Variants in TMEM51 observed in about 807,000 individuals in gnomAD.
TMEM51 encodes the protein chromosome 1 open reading frame 72.
TMEM51 carries 8 observed loss-of-function variants against 13.6 expected under a neutral mutation model. That is an observed-to-expected ratio of 0.59 (90% CI 0.35 to 1.07). TMEM51 has a LOEUF of 1.07. Among genes scored for constraint, TMEM51 ranks in the 50% least tolerant of loss-of-function variants. TMEM51 has a pLI of 0.02. For synonymous variants in TMEM51, 147 were observed against 144.4 expected (o/e 1.02, Z -0.13); for missense variants, 279 against 330.7 (o/e 0.84, Z 1.21).
chr1:15,170,343 T>TG (rs1225280246), intron 1 of TMEM51, among the ~76,000 whole-genome samples: 5 of 67,416 alleles, frequency 7.4e-5, no homozygotes, highest in East Asian at 2.3e-3. Context: ...GGGATACTGC[T>TG]GGGTTTTTTT....
chr1:15,212,054 A>AAG (rs1294634181), intron 2 of TMEM51, among the ~76,000 whole-genome samples: 1 of 152,194 alleles, frequency 6.6e-6, no homozygotes, highest in African/African-American at 2.4e-5. Flanking sequence ...TGCGTGAACC[A>AAG]TAATTTATTA....
chr1:15,164,665 GA>G (rs1642920732), intron 1 of TMEM51, among the ~76,000 whole-genome samples: 1 of 151,872 alleles, frequency 6.6e-6, no homozygotes, highest in Non-Finnish European at 1.5e-5. Context: ...AGAGATTATT[GA>G]AACGATTTTT....
chr1:15,202,902 T>A (rs1320946276), intron 1 of TMEM51, among the ~76,000 whole-genome samples: 1 of 152,212 alleles, frequency 6.6e-6, no homozygotes, highest in Admixed American at 6.5e-5. Flanking sequence ...CCGCTTCTTC[T>A]CTGCCCCTAA....
intron 1 of TMEM51, among the ~76,000 whole-genome samples, chr1:15,202,981 CCTCCATAGG>C (rs1227169621): frequency 6.6e-6 from 1 of 152,164 alleles, no homozygotes; most frequent in Non-Finnish European, 1.5e-5. Context: ...CGCCCACCTG[CCTCCATAGG>C]CCTTTAAAGG....
At chr1:15,178,934 A>G (rs1335031834) in intron 1 of TMEM51, among the ~76,000 whole-genome samples, 1 of 152,198 alleles carries the variant, frequency 6.6e-6, no homozygotes, top group Non-Finnish European at 1.5e-5. Flanking sequence ...TAGCCCTCAT[A>G]TGAACGGCTG....
chr1:15,191,679 T>C (rs549159656), intron 1 of TMEM51: 10 of 292,046 alleles, frequency 3.4e-5, no homozygotes, highest in African/African-American at 8.9e-5. Flanking sequence ...TCAGCCTCCG[T>C]GTTCCTAGAT....
At chr1:15,194,891 G>T (rs533121247) in intron 1 of TMEM51, among the ~76,000 whole-genome samples, 1 of 148,640 alleles carries the variant, frequency 6.7e-6, no homozygotes, top group South Asian at 2.1e-4. Context: ...AATGGAAAGA[G>T]AATTCAAGCC....
At chr1:15,183,618 A>G (rs906042392) in intron 1 of TMEM51, among the ~76,000 whole-genome samples, 3 of 152,224 alleles carry the variant, frequency 2.0e-5, no homozygotes, top group Admixed American at 1.3e-4. Flanking sequence ...ATTCCTTCCA[A>G]TACTATTTTC....
rs570913056 is a variant in TMEM51 at position 15,214,001 on chromosome 1, C to T, written c.-193-894C>T. 1.2e-3 allele frequency among the ~76,000 whole-genome samples: 177 copies of T among 147,718 alleles called. 1 individual carries two copies. In the South Asian group the frequency reaches 0.014, roughly 12 times the overall value. On this transcript the variant is annotated intron_variant, in intron 2 of 3. Transcript: ENST00000376008. ...GGATTACTGGCACGTGCCACAGCAC[C>T]CAGCCTTTTTTTTTTTTTTTTTTGT...
intron 1 of TMEM51, among the ~76,000 whole-genome samples, chr1:15,189,159 C>G (rs1432730348): frequency 6.6e-6 from 1 of 151,556 alleles, no homozygotes; most frequent in South Asian, 2.1e-4. Context: ...CCCACCTCAG[C>G]CTCCCGAGCA....
chr1:15,184,917 AC>A (rs1643725780), intron 1 of TMEM51, among the ~76,000 whole-genome samples: 1 of 151,974 alleles, frequency 6.6e-6, no homozygotes, highest in Non-Finnish European at 1.5e-5. Context: ...ATGCTGTTAT[AC>A]AACCGACATT....
At chr1:15,216,005 C>G (rs1644426127) in intron 3 of TMEM51, among the ~76,000 whole-genome samples, 1 of 151,808 alleles carries the variant, frequency 6.6e-6, no homozygotes, top group African/African-American at 2.4e-5. Flanking sequence ...GCACTCCAGC[C>G]TGGGTGACAG....
chr1:15,176,591 C>G (rs956343085), intron 1 of TMEM51, among the ~76,000 whole-genome samples: 7 of 152,172 alleles, frequency 4.6e-5, no homozygotes, highest in Non-Finnish European at 8.8e-5. Context: ...AGGACCGTTT[C>G]CCTCCTTGGA....
rs1295301694 is a variant in TMEM51, at chr1:15,170,740, T to A, written c.-267+16786T>A. 2.0e-5 allele frequency among the ~76,000 whole-genome samples: 3 copies of A among 152,218 alleles called. No individual in the cohort carries two copies. In the East Asian group the frequency reaches 5.9e-4, roughly 30 times the overall value. Reference sequence around the variant, plus strand: ...CAAACAGAAATGGAGGCAGGTTTTCTTTTTTTGAGACGGAGTCTCCCTCTG... The same window carrying A: ...CAAACAGAAATGGAGGCAGGTTTTCATTTTTTGAGACGGAGTCTCCCTCTG... On this transcript the variant is annotated intron_variant, in intron 1 of 3. Transcript: ENST00000376008.
intron 1 of TMEM51, among the ~76,000 whole-genome samples, chr1:15,163,832 G>C (rs1235165264): frequency 6.9e-6 from 1 of 144,580 alleles, no homozygotes; most frequent in Non-Finnish European, 1.5e-5. Context: ...TTTTTTGGGG[G>C]GGGGGAGGGG....
chr1:15,213,902 C>G (rs568793275), intron 2 of TMEM51, among the ~76,000 whole-genome samples: 4 of 152,010 alleles, frequency 2.6e-5, no homozygotes, highest in Admixed American at 1.3e-4. Flanking sequence ...AGTGCAGTGG[C>G]ACAATCTCGG....
chr1:15,177,050 T>C (rs1643475783), intron 1 of TMEM51, among the ~76,000 whole-genome samples: 1 of 151,938 alleles, frequency 6.6e-6, no homozygotes, highest in Non-Finnish European at 1.5e-5. Flanking sequence ...TCTGGCCAGA[T>C]GGGAGGCAGC....
At chr1:15,212,430 A>C (rs1001072661) in intron 2 of TMEM51, among the ~76,000 whole-genome samples, 2 of 152,240 alleles carry the variant, frequency 1.3e-5, no homozygotes, top group East Asian at 3.8e-4. Flanking sequence ...GAGGGCAGGC[A>C]GTGAGGGGGT....
In TMEM51 at chr1:15,219,338, AGAG is replaced by A. The variant is rs763325157; in HGVS notation, c.363_365del (p.Glu121del). 4.3e-5 allele frequency: 68 copies of A among 1,581,640 alleles called. No individual in the cohort carries two copies. The highest frequency in any genetic ancestry group is 1.8e-5 in the Admixed American group (1 of 56,762). On this transcript the variant is annotated inframe_deletion, in exon 4 of 4. Transcript: ENST00000376008. ...TGTCTTCTTGCAGCCAGGAGGAAGA[AGAG>A]GAGGATGAGGAGGCTGCCTCAAGGT...
Sources: gnomAD v4.1 joint callset for allele counts (sites outside exome capture counted in the v4.1 genomes callset) on GRCh38, gnomAD v4.1.1 for gene constraint, MANE v1.5 for transcripts, NCBI Gene and HGNC (gene_info 2026-07-23, HGNC 2026-07-21) for gene names.